MYO18A: variants seen among roughly 807,000 people sequenced by gnomAD.
The protein encoded by MYO18A is unconventional myosin-XVIIIa.
In MYO18A, 78 loss-of-function variants were observed where a neutral mutation model predicts 235.8. The observed-to-expected ratio is 0.33, with a 90% CI of 0.28 to 0.40. The LOEUF is 0.40. MYO18A is among the 10% of genes least tolerant of loss of function. The pLI, the probability that MYO18A is intolerant of heterozygous loss-of-function variation, is 1.00. For synonymous variants in MYO18A, 977 were observed against 1,077.8 expected, an observed-to-expected ratio of 0.91 and a Z score of 1.83; for missense variants, 2,215 against 2,699.3, an observed-to-expected ratio of 0.82 and a Z score of 3.98.
chr17:29,142,006 G>A (rs924255820), intron 2 of MYO18A, among the ~76,000 whole-genome samples: 7 of 152,036 alleles, frequency 4.6e-5, no homozygotes, highest in South Asian at 2.1e-4. Flanking sequence ...GTGCAGTGGC[G>A]TGATCTCGGC....
intron 1 of MYO18A, among the ~76,000 whole-genome samples, chr17:29,168,998 C>T (rs1313997860): frequency 6.6e-6 from 1 of 152,140 alleles, no homozygotes; most frequent in Admixed American, 6.5e-5. Flanking sequence ...AGTAAAACCC[C>T]ATCTCTACTA....
At chr17:29,084,995 A>G (rs1205132138) in intron 40 of MYO18A, among the ~76,000 whole-genome samples, 1 of 152,092 alleles carries the variant, frequency 6.6e-6, no homozygotes, top group Non-Finnish European at 1.5e-5. Context: ...CCCTCTGCCC[A>G]CGGTACCGCA....
At chr17:29,116,554 G>C in intron 10 of MYO18A, 99 bp from the exon 11 acceptor site, 1 of 1,463,638 alleles carries the variant, frequency 6.8e-7, no homozygotes, top group South Asian at 1.1e-5. Flanking sequence ...CCGTGGGGCG[G>C]GGGTGTTGTG....
Position 29,118,451 on chromosome 17 carries a change from A to G in MYO18A, c.1830-11T>C. 1 of 1,594,764 alleles carries G rather than the reference A, an allele frequency of 6.3e-7. No individual in the cohort carries two copies. Among genetic ancestry groups the G allele is most frequent in the Non-Finnish European group, 8.6e-7 (1 of 1,164,926 alleles). On this transcript the variant is annotated splice_polypyrimidine_tract_variant and intron_variant, in intron 8 of 41. Transcript: ENST00000527372. The surrounding 1 kb of genome is among the most constrained non-coding windows in gnomAD (Gnocchi z 4.2). The stretch of plus-strand genomic sequence containing the variant: ...AGGTGGAGCTCTGTCCTAGGGGTAC[A>G]AATAAGGCATCAGCACGGCACTTGG...
At chr17:29,155,848 GC>G (rs1267028407) in intron 2 of MYO18A, among the ~76,000 whole-genome samples, 4 of 152,140 alleles carry the variant, frequency 2.6e-5, no homozygotes, top group African/African-American at 4.8e-5. Context: ...GGGCTCCAAG[GC>G]CTCCCACTCC....
chr17:29,098,983 G>C lies in MYO18A; in HGVS notation c.3637-14C>G, dbSNP rs759463377. 1 of 1,612,382 alleles carries C rather than the reference G, an allele frequency of 6.2e-7. No homozygotes were observed. Among genetic ancestry groups the C allele is most frequent in the Non-Finnish European group, 8.5e-7 (1 of 1,179,666 alleles). On this transcript the variant is annotated splice_polypyrimidine_tract_variant and intron_variant, in intron 22 of 41. Coordinates refer to ENST00000527372, the MANE Select transcript of MYO18A (RefSeq NM_078471.4). ...CAGGTCCTGGATCTGCAGGTGGGGT[G>C]GGGGTGGTGCACAGCGGGGCTCTCA...
chr17:29,107,952 G>C (rs570958369), intron 19 of MYO18A, among the ~76,000 whole-genome samples: 22 of 150,678 alleles, frequency 1.5e-4, no homozygotes, highest in Non-Finnish European at 2.8e-4. Flanking sequence ...GAGAGTAGCT[G>C]AGAGGAATCG....
In MYO18A at chr17:29,093,386, G is replaced by T; in HGVS notation, c.4863C>A (p.Asp1621Glu). The change falls in exon 32 of 42, where the codon GAC becomes GAA. Residue 1621 changes from aspartate to glutamate, a missense_variant. By Grantham distance (45) the Asp-to-Glu change is conservative. Coordinates refer to ENST00000527372, the MANE Select transcript of MYO18A (RefSeq NM_078471.4). ...MEVQLEEEYE[D>E]KQKVLREKRE... ...GCTTCTCTCGCAGAACCTTCTGCTTGTCCTCATACTCTTCCTCTAGCTGCA... is the reference window on the plus strand; with the variant it reads ...GCTTCTCTCGCAGAACCTTCTGCTTTTCCTCATACTCTTCCTCTAGCTGCA... 2 of 1,612,334 alleles carry T rather than the reference G, an allele frequency of 1.2e-6. No homozygotes were observed. The highest frequency in any genetic ancestry group is 1.7e-6 in the Non-Finnish European group (2 of 1,179,818).
chr17:29,108,722 T>C (rs990987947), intron 19 of MYO18A, among the ~76,000 whole-genome samples: 2 of 152,122 alleles, frequency 1.3e-5, no homozygotes, highest in Non-Finnish European at 2.9e-5. Flanking sequence ...CAAGACAAAG[T>C]GAGCTATTGA....
rs1483748133 is a variant in MYO18A, at chr17:29,072,861, A to G, written c.*1909T>C. 2.0e-5 allele frequency: 3 copies of G among 152,290 alleles called. No homozygotes were observed. In the South Asian group the frequency reaches 6.2e-4, roughly 31 times the overall value. The allele number at this position is 152,290 out of a possible 1,614,324, so 9.4% of individuals were successfully genotyped here. ...TGTCATTTGTTTCTTGCCTTTCTGC[A>G]TGAGCTGCCTCTTAGCTGTCAATGA... On this transcript the variant is annotated 3_prime_UTR_variant, in exon 42 of 42. Transcript: ENST00000527372.
intron 2 of MYO18A, among the ~76,000 whole-genome samples, chr17:29,145,289 T>C (rs1159305743): frequency 6.6e-6 from 1 of 152,198 alleles, no homozygotes. Context: ...ATAAACGGGC[T>C]GGAATAGAGT....
chr17:29,101,839 G>A (rs965898988), intron 21 of MYO18A, among the ~76,000 whole-genome samples: 1 of 152,122 alleles, frequency 6.6e-6, no homozygotes, highest in Non-Finnish European at 1.5e-5. Context: ...TTGAACATTT[G>A]GGGGGTTAAG....
In MYO18A at chr17:29,114,092, G is replaced by C; in HGVS notation, c.2517C>G (p.Asn839Lys). The C allele has an allele frequency of 6.3e-7, 1 of 1,595,402 alleles. No homozygotes were observed. Residue 839 changes from asparagine to lysine, a missense_variant, in exon 15 of 42, where the codon AAC (asparagine) becomes AAG (lysine). Coordinates refer to ENST00000527372, the MANE Select transcript of MYO18A (RefSeq NM_078471.4). ...VQELERYKEE[N>K]IELAFDDLEP... ...CCAAGTCGTCAAACGCCAGCTCGATGTTCTCCTGGGAAAGAAGGCCGAGCG... is the reference window on the plus strand; with the variant it reads ...CCAAGTCGTCAAACGCCAGCTCGATCTTCTCCTGGGAAAGAAGGCCGAGCG...
At chr17:29,134,194 C>T (rs1335444613) in intron 2 of MYO18A, among the ~76,000 whole-genome samples, 4 of 152,122 alleles carry the variant, frequency 2.6e-5, no homozygotes, top group East Asian at 1.9e-4. Context: ...CTCTGCCTCC[C>T]GGGTTCAAGT....
In MYO18A at chr17:29,111,807, C is replaced by T. The variant is rs371644514; in HGVS notation, c.2655G>A (p.Glu885=). ...CACTGGCCCCTGGCACCAGAGCCTC[C>T]TCTTCCAATAGCCAGAGCAGGCCCC... ...EARGLLWLLE[E]EALVPGASED... The change falls in exon 16 of 42, where the codon GAG becomes GAA. Residue 885 remains glutamate, a synonymous_variant. Coordinates refer to ENST00000527372, the MANE Select transcript of MYO18A (RefSeq NM_078471.4). This position sits in a 1 kb window ranked among gnomAD's most constrained non-coding sequence, Gnocchi z 5.1. The T allele has an allele frequency of 1.9e-5, 30 of 1,613,828 alleles. No homozygotes were observed. Among genetic ancestry groups the T allele is most frequent in the Non-Finnish European group, 2.5e-5 (29 of 1,179,762 alleles).
rs143201362 is a variant in MYO18A at position 29,117,179 on chromosome 17, G to T, written c.2039-724C>A. ...CCCTTTCCCTAAACTGGAGAAAAAG[G>T]GGGTGAAGAGGTGCTCGAATCGCCA... On this transcript the variant is annotated intron_variant, in intron 10 of 41. Coordinates refer to ENST00000527372, the MANE Select transcript of MYO18A (RefSeq NM_078471.4). The surrounding 1 kb of genome is among the most constrained non-coding windows in gnomAD (Gnocchi z 4.6). Among the ~76,000 whole-genome samples, 12 of 152,290 alleles carry T rather than the reference G, an allele frequency of 7.9e-5. No individual in the cohort carries two copies. The East Asian group carries it at 2.3e-3, about 29-fold the overall frequency.
chr17:29,154,222 G>GGGA (rs2068020172), intron 2 of MYO18A, among the ~76,000 whole-genome samples: 1 of 152,106 alleles, frequency 6.6e-6, no homozygotes, highest in Non-Finnish European at 1.5e-5. Flanking sequence ...TCGAAGTTAG[G>GGGA]TGATGATGGA....
chr17:29,093,224 C>T (rs1361256121), intron 32 of MYO18A, 99 bp downstream of exon 32: 7 of 1,191,058 alleles, frequency 5.9e-6, no homozygotes, highest in Middle Eastern at 2.4e-4. Context: ...CCCCCACCCC[C>T]GACAGCTCTG....
intron 1 of MYO18A, among the ~76,000 whole-genome samples, chr17:29,168,982 C>G (rs1195889390): frequency 6.6e-6 from 1 of 152,124 alleles, no homozygotes. Flanking sequence ...CCAGCCTGGC[C>G]AACATAGTAA....
Sources: allele counts gnomAD v4.1 joint callset (sites outside exome capture counted in the v4.1 genomes callset), GRCh38; gene constraint gnomAD v4.1.1; non-coding constraint Gnocchi (gnomAD v3.1); transcripts MANE v1.5; gene names NCBI Gene and HGNC (gene_info 2026-07-23, HGNC 2026-07-21).